VTCN1: variants seen among roughly 807,000 people sequenced by gnomAD.
VTCN1 encodes V-set domain-containing T-cell activation inhibitor 1.
A neutral mutation model predicts 26.5 loss-of-function variants in VTCN1; 26 were observed. The ratio of observed to expected loss-of-function variants is 0.98; its 90% CI spans 0.72 to 1.36. The LOEUF (loss-of-function observed/expected upper bound fraction) is 1.36. Ranked by LOEUF, VTCN1 falls within the 40% of genes most tolerant of loss-of-function variation. The probability of loss-of-function intolerance (pLI) is 0.00; values close to 1 mark genes in which losing one functional copy is unlikely to be tolerated. For missense variants in VTCN1, 298 were observed against 337.7 expected, an observed-to-expected ratio of 0.88 and a Z score of 0.92; for synonymous variants, 116 against 130.7, an observed-to-expected ratio of 0.89 and a Z score of 0.77.
chr1:117,172,976 T>C (rs1247949534), intron 1 of VTCN1, among the ~76,000 whole-genome samples: 1 of 152,198 alleles, frequency 6.6e-6, no homozygotes, highest in Non-Finnish European at 1.5e-5. Context: ...TCCCCTTCCA[T>C]GCTGTGGAAG....
Position 117,159,439 on chromosome 1 carries a change from G to C in VTCN1, c.98-2518C>G, listed in dbSNP as rs1261855323. Among the ~76,000 whole-genome samples, 1 of 152,130 alleles carries C rather than the reference G, an allele frequency of 6.6e-6. No individual in the cohort carries two copies. Among genetic ancestry groups the C allele is most frequent in the Non-Finnish European group, 1.5e-5 (1 of 68,014 alleles). On this transcript the variant is annotated intron_variant, in intron 2 of 5. Coordinates refer to ENST00000369458, the MANE Select transcript of VTCN1 (RefSeq NM_024626.4). This position sits in a 1 kb window ranked among gnomAD's most constrained non-coding sequence, Gnocchi z 4.7. ...TTATTTACTACCATGAGAACAGTATGGGGGGAACCACCCCCATGATTCAAA... is the reference window on the plus strand; with the variant it reads ...TTATTTACTACCATGAGAACAGTATCGGGGGAACCACCCCCATGATTCAAA...
intron 3 of VTCN1, among the ~76,000 whole-genome samples, chr1:117,154,566 C>A (rs1196224391): frequency 6.6e-6 from 1 of 152,022 alleles, no homozygotes; most frequent in African/African-American, 2.4e-5. Context: ...GGCAGATCAC[C>A]TGAGGTCGGG....
At chr1:117,210,767 A>G in intron 1 of VTCN1, 57 bp downstream of exon 1, 2 of 1,592,454 alleles carry the variant, frequency 1.3e-6, no homozygotes, top group East Asian at 2.2e-5. Context: ...AGCATCCCCA[A>G]AAGACCTCAC....
intron 1 of VTCN1, among the ~76,000 whole-genome samples, chr1:117,198,371 G>T (rs1349400232): frequency 6.6e-6 from 1 of 152,176 alleles, no homozygotes; most frequent in Non-Finnish European, 1.5e-5. Flanking sequence ...TCTCTCATGG[G>T]AAGGATTCCA....
At chr1:117,156,976 C>G in intron 2 of VTCN1, 55 bp from the exon 3 acceptor site, 1 of 1,612,012 alleles carries the variant, frequency 6.2e-7, no homozygotes, top group Non-Finnish European at 8.5e-7. Flanking sequence ...ACTTCTACAA[C>G]CAAACCCTTC....
intron 3 of VTCN1, among the ~76,000 whole-genome samples, chr1:117,154,801 A>G (rs2101459715): frequency 6.6e-6 from 1 of 151,134 alleles, no homozygotes; most frequent in East Asian, 1.9e-4. Flanking sequence ...AAAAAAAAAA[A>G]AAGAAAGAAA....
intron 1 of VTCN1, chr1:117,203,517 C>T (rs1014653933): frequency 1.7e-5 from 13 of 769,130 alleles, no homozygotes; most frequent in Non-Finnish European, 2.1e-5. Flanking sequence ...GCAGCAGGAA[C>T]ACATCTGAAG....
chr1:117,204,074 G>A (rs1203788114), intron 1 of VTCN1, among the ~76,000 whole-genome samples: 1 of 152,196 alleles, frequency 6.6e-6, no homozygotes. Context: ...AATCCCAAAA[G>A]ATTCCAGACA....
chr1:117,203,017 C>T (rs1183393328), intron 1 of VTCN1, among the ~76,000 whole-genome samples: 1 of 151,998 alleles, frequency 6.6e-6, no homozygotes. Flanking sequence ...ATGATGTCTG[C>T]TGGAGGAGGT....
intron 1 of VTCN1, among the ~76,000 whole-genome samples, chr1:117,194,100 A>T (rs918749021): frequency 6.6e-6 from 1 of 152,210 alleles, no homozygotes; most frequent in African/African-American, 2.4e-5. Context: ...AATAGAAGAA[A>T]ATATTTGCAA....
Position 117,175,801 on chromosome 1 carries a change from C to T in VTCN1, c.33-5630G>A, listed in dbSNP as rs1647314782. Among the ~76,000 whole-genome samples the T allele has an allele frequency of 7.1e-6, 1 of 139,934 alleles. No homozygotes were observed. Among genetic ancestry groups the T allele is most frequent in the South Asian group, 2.2e-4 (1 of 4,518 alleles). 91.8% of individuals were successfully genotyped at this position (139,934 alleles called of 152,430 possible). On this transcript the variant is annotated intron_variant, in intron 1 of 5. Coordinates refer to ENST00000369458, the MANE Select transcript of VTCN1 (RefSeq NM_024626.4). This position sits in a 1 kb window ranked among gnomAD's most constrained non-coding sequence, Gnocchi z 4.2. ...TTTTTTTTTTTTTGAGATGGAGTTT[C>T]ACTCTGTTGCCCAGGCTGGAGTGCA...
At chr1:117,201,422 T>A (rs1324243578) in intron 1 of VTCN1, among the ~76,000 whole-genome samples, 1 of 152,162 alleles carries the variant, frequency 6.6e-6, no homozygotes, top group Non-Finnish European at 1.5e-5. Flanking sequence ...TGGCTTTCTC[T>A]CCAGGGCTCT....
At chr1:117,150,301 C>T (rs1651721476) in intron 4 of VTCN1, among the ~76,000 whole-genome samples, 2 of 152,156 alleles carry the variant, frequency 1.3e-5, no homozygotes, top group Admixed American at 6.5e-5. Context: ...TATAGGAATG[C>T]TTGGCAATCA....
rs1299179008 is a variant in VTCN1 at position 117,159,329 on chromosome 1, G to A, written c.98-2408C>T. Among the ~76,000 whole-genome samples, 2 of 152,318 alleles carry A rather than the reference G, an allele frequency of 1.3e-5. No individual in the cohort carries two copies. The highest frequency in any genetic ancestry group is 3.9e-4 in the East Asian group (2 of 5,192). On this transcript the variant is annotated intron_variant, in intron 2 of 5. Coordinates refer to ENST00000369458, the MANE Select transcript of VTCN1 (RefSeq NM_024626.4). The surrounding 1 kb of genome is among the most constrained non-coding windows in gnomAD (Gnocchi z 4.7). ...TCAGAGTCATGGCGGGAGGTGAAAG[G>A]CACTTCTTACATGGCAGTGGCAAGA...
chr1:117,151,854 A>G (rs1046529377), intron 4 of VTCN1, among the ~76,000 whole-genome samples: 4 of 152,070 alleles, frequency 2.6e-5, no homozygotes, highest in Non-Finnish European at 4.4e-5. Context: ...CCTCACCAAC[A>G]TGTTATTTTC....
chr1:117,205,342 A>C (rs1570997386), intron 1 of VTCN1, among the ~76,000 whole-genome samples: 1 of 151,908 alleles, frequency 6.6e-6, no homozygotes, highest in African/African-American at 2.4e-5. Context: ...TTTTGTAGAG[A>C]TGGGGTTTCA....
chr1:117,206,692 T>G (rs1649091291), intron 1 of VTCN1, among the ~76,000 whole-genome samples: 1 of 142,636 alleles, frequency 7.0e-6, no homozygotes, highest in Non-Finnish European at 1.5e-5. Context: ...ACTATGAACA[T>G]AAGATGGGCA....
At chr1:117,180,767 C>A (rs1187126149) in intron 1 of VTCN1, among the ~76,000 whole-genome samples, 1 of 152,200 alleles carries the variant, frequency 6.6e-6, no homozygotes, top group Admixed American at 6.5e-5. Context: ...CCACCATAAT[C>A]TTGGCATCCC....
At chr1:117,171,906 G>A (rs1652936108) in intron 1 of VTCN1, among the ~76,000 whole-genome samples, 1 of 152,186 alleles carries the variant, frequency 6.6e-6, no homozygotes, top group South Asian at 2.1e-4. Flanking sequence ...GATGGGGCGT[G>A]TCCCTTTTCT....
Sources: gnomAD v4.1 joint callset for allele counts (sites outside exome capture counted in the v4.1 genomes callset) on GRCh38, gnomAD v4.1.1 for gene constraint, Gnocchi (gnomAD v3.1) non-coding constraint, MANE v1.5 for transcripts, NCBI Gene and HGNC (gene_info 2026-07-23, HGNC 2026-07-21) for gene names.